Variants in GLT1D1 observed in about 807,000 individuals in gnomAD.
The protein encoded by GLT1D1 is glycosyltransferase 1 domain containing 1.
Under a neutral mutation model 28.7 loss-of-function variants are expected in GLT1D1, and 21 were observed. That is an observed-to-expected ratio of 0.73 (90% CI 0.52 to 1.05). GLT1D1 has a LOEUF of 1.05. Ranked by LOEUF, GLT1D1 falls within the 50% of genes least tolerant of loss-of-function variation. The pLI, the probability that GLT1D1 is intolerant of heterozygous loss-of-function variation, is 0.00. For synonymous variants in GLT1D1, 147 were observed against 124.8 expected (o/e 1.18, Z -1.19); for missense variants, 343 against 330.6 (o/e 1.04, Z -0.29).
intron 4 of GLT1D1, among the ~76,000 whole-genome samples, chr12:128,908,663 C>T (rs1387861448): frequency 6.6e-6 from 1 of 151,420 alleles, no homozygotes; most frequent in Non-Finnish European, 1.5e-5. Context: ...AAAATAAACA[C>T]GACAGGCCGG....
At chr12:128,898,180 C>T (rs1328458485) in intron 3 of GLT1D1, among the ~76,000 whole-genome samples, 2 of 150,918 alleles carry the variant, frequency 1.3e-5, no homozygotes, top group East Asian at 2.0e-4. Context: ...CTTCCTTTTC[C>T]TTCTTCCTTT....
At chr12:128,980,442 G>C (rs563463634) in intron 7 of GLT1D1, among the ~76,000 whole-genome samples, 2 of 152,360 alleles carry the variant, frequency 1.3e-5, no homozygotes, top group East Asian at 1.9e-4. Context: ...CCAAAAGTCA[G>C]TGCCTTACAA....
At chr12:128,959,190 G>T (rs1877635459) in intron 7 of GLT1D1, among the ~76,000 whole-genome samples, 1 of 151,594 alleles carries the variant, frequency 6.6e-6, no homozygotes, top group South Asian at 2.1e-4. Context: ...CTTTATTAAA[G>T]CACATATGAT....
rs756176900 is a variant in GLT1D1 at position 128,971,787 on chromosome 12, TCCTCCCTTCCTCCCTTCTTTGCTC to T, written c.640-11105_640-11082del. ...CTTCCCCCCTCCCTTCCTCCCTCCC[TCCTCCCTTCCTCCCTTCTTTGCTC>T]CCTCCCTTCCTCCCTTCTTTGCTCC... On this transcript the variant is annotated intron_variant, in intron 7 of 7. Transcript: ENST00000281703. Among the ~76,000 whole-genome samples the T allele has an allele frequency of 1.4e-3, 23 of 16,706 alleles. 2 individuals are homozygous for T. The highest frequency in any genetic ancestry group is 3.5e-3 in the South Asian group (1 of 282). The allele number at this position is 16,706 out of a possible 152,430, so 11.0% of individuals were successfully genotyped here.
chr12:128,962,341 A>G (rs1319340732), intron 7 of GLT1D1, among the ~76,000 whole-genome samples: 2 of 152,272 alleles, frequency 1.3e-5, no homozygotes, highest in East Asian at 3.8e-4. Flanking sequence ...TTGAATGAAT[A>G]TTCACATCTC....
At chr12:128,944,649 G>A (rs1218100296) in intron 4 of GLT1D1, 2 of 733,976 alleles carry the variant, frequency 2.7e-6, no homozygotes, top group Non-Finnish European at 5.1e-6. Context: ...CTTTATCTAG[G>A]GCTTCTGCCT....
intron 4 of GLT1D1, among the ~76,000 whole-genome samples, chr12:128,906,008 CT>C (rs77388310): frequency 0.3 from 44,032 of 145,910 alleles, 7,633 homozygotes; most frequent in Admixed American, 0.43. Context: ...GAAATTTTGA[CT>C]TTTTTTTTTT....
At chr12:128,863,078 G>T (rs963018852) in intron 1 of GLT1D1, among the ~76,000 whole-genome samples, 2 of 152,168 alleles carry the variant, frequency 1.3e-5, no homozygotes, top group Non-Finnish European at 2.9e-5. Flanking sequence ...GCACACACCT[G>T]TGTTGGTCAT....
In GLT1D1 at chr12:128,945,329, G is replaced by A. The variant is rs372955953; in HGVS notation, c.379G>A (p.Asp127Asn). The A allele has an allele frequency of 8.9e-5, 144 of 1,613,942 alleles. No homozygotes were observed. Among genetic ancestry groups the A allele is most frequent in the Middle Eastern group, 4.9e-4 (3 of 6,084 alleles). The change falls in exon 5 of 8, where the codon GAT becomes AAT. Residue 127 changes from aspartate to asparagine, a missense_variant. Asp to Asn is a conservative substitution (Grantham distance 23, BLOSUM62 1). Transcript: ENST00000281703. ...ATTTATCTTTGTCTCTTTTCAGGTC[G>A]ATCCAGTGTTTACAAGGGAAGTGAA... is the stretch of plus-strand genomic sequence containing the variant.
At chr12:128,917,716 A>G (rs970839761) in intron 4 of GLT1D1, among the ~76,000 whole-genome samples, 3 of 152,228 alleles carry the variant, frequency 2.0e-5, no homozygotes, top group Non-Finnish European at 4.4e-5. Context: ...AAAACATATG[A>G]AAAAAGTTCA....
intron 4 of GLT1D1, among the ~76,000 whole-genome samples, chr12:128,931,371 G>GA (rs1448274683): frequency 2.7e-5 from 4 of 150,230 alleles, no homozygotes; most frequent in South Asian, 2.1e-4. Context: ...GCAGTGGTGC[G>GA]ATCTCGGCTC....
At chr12:128,873,837 T>C (rs1956758833) in intron 1 of GLT1D1, among the ~76,000 whole-genome samples, 1 of 132,336 alleles carries the variant, frequency 7.6e-6, no homozygotes, top group African/African-American at 3.1e-5. Flanking sequence ...CCCCCTTCCT[T>C]CCTTCCCTCC....
intron 4 of GLT1D1, among the ~76,000 whole-genome samples, chr12:128,931,766 A>G (rs1873916846): frequency 1.3e-5 from 2 of 152,158 alleles, no homozygotes; most frequent in African/African-American, 4.8e-5. Flanking sequence ...TCTGCAGGAG[A>G]AGCCACAAGT....
chr12:128,873,338 C>G (rs932654946), intron 1 of GLT1D1, among the ~76,000 whole-genome samples: 25 of 152,160 alleles, frequency 1.6e-4, no homozygotes, highest in Non-Finnish European at 5.9e-5. Flanking sequence ...GGAATTCATT[C>G]TTAATACTTC....
At chr12:128,952,640 A>AT (rs1263729629) in intron 6 of GLT1D1, among the ~76,000 whole-genome samples, 5,193 of 126,096 alleles carry the variant, frequency 0.041, 250 homozygotes, top group African/African-American at 0.13. Context: ...CTAATTTTGT[A>AT]TTTTTTTTTT....
intron 1 of GLT1D1, among the ~76,000 whole-genome samples, chr12:128,873,925 CTTTCTTTCTT>C (rs1275954407): frequency 2.1e-5 from 2 of 93,450 alleles, no homozygotes; most frequent in Admixed American, 1.4e-4. Context: ...CTTTCTTTTT[CTTTCTTTCTT>C]TTTCTTTCTT....
At chr12:128,892,763 T>G (rs1050828957) in intron 3 of GLT1D1, among the ~76,000 whole-genome samples, 6 of 152,144 alleles carry the variant, frequency 3.9e-5, no homozygotes, top group Non-Finnish European at 7.3e-5. Flanking sequence ...TTTGAAGTTT[T>G]TTTAGTATTT....
At chr12:128,874,067 T>C (rs57329547) in intron 1 of GLT1D1, among the ~76,000 whole-genome samples, 307 of 26,182 alleles carry the variant, frequency 0.012, 7 homozygotes, top group Non-Finnish European at 0.013. Flanking sequence ...CTCCTTTCTT[T>C]CTTTCTTTCT....
intron 3 of GLT1D1, among the ~76,000 whole-genome samples, chr12:128,890,297 G>A (rs932116541): frequency 7.9e-5 from 12 of 152,116 alleles, no homozygotes; most frequent in African/African-American, 2.2e-4. Flanking sequence ...ATGAGGTGCT[G>A]CCCAATTCTA....
Sources: gnomAD v4.1 joint callset for allele counts (sites outside exome capture counted in the v4.1 genomes callset) on GRCh38, gnomAD v4.1.1 for gene constraint, MANE v1.5 for transcripts, NCBI Gene and HGNC (gene_info 2026-07-23, HGNC 2026-07-21) for gene names.